TTC6: variants seen among roughly 807,000 people sequenced by gnomAD.
TTC6 encodes the protein tetratricopeptide repeat domain 6, also known as tetratricopeptide repeat protein 6.
In TTC6, 172 loss-of-function variants were observed where a neutral mutation model predicts 210.4. The ratio of observed to expected loss-of-function variants is 0.82; its 90% CI spans 0.72 to 0.93. The LOEUF (loss-of-function observed/expected upper bound fraction) is 0.93. Ranked by LOEUF, TTC6 falls within the 40% of genes least tolerant of loss-of-function variation. The probability of loss-of-function intolerance (pLI) is 0.00; values close to 1 mark genes in which losing one functional copy is unlikely to be tolerated. For missense variants in TTC6, 2,414 were observed against 2,318.1 expected (o/e 1.04, Z -0.85); for synonymous variants, 804 against 819.6 (o/e 0.98, Z 0.32).
At chr14:37,705,418 A>G (rs1239851908) in intron 5 of TTC6, among the ~76,000 whole-genome samples, 1 of 152,136 alleles carries the variant, frequency 6.6e-6, no homozygotes, top group Non-Finnish European at 1.5e-5. Flanking sequence ...CAATTACTCA[A>G]AATCTTGCCA....
chr14:37,684,047 A>G (rs2138570531), intron 3 of TTC6, among the ~76,000 whole-genome samples: 1 of 152,144 alleles, frequency 6.6e-6, no homozygotes, highest in Non-Finnish European at 1.5e-5. Context: ...TCAACTGGCC[A>G]TTCCTCATTC....
At chr14:37,814,759 A>T (rs2139449256) in intron 25 of TTC6, among the ~76,000 whole-genome samples, 1 of 152,324 alleles carries the variant, frequency 6.6e-6, no homozygotes, top group South Asian at 2.1e-4. Flanking sequence ...TTAAAAAATT[A>T]AAACAACTAA....
intron 20 of TTC6, among the ~76,000 whole-genome samples, chr14:37,797,708 C>G (rs1329389998): frequency 1.3e-5 from 2 of 151,718 alleles, no homozygotes; most frequent in Non-Finnish European, 2.9e-5. Flanking sequence ...TTAAAAAATA[C>G]CTTGTTTAAA....
intron 25 of TTC6, among the ~76,000 whole-genome samples, chr14:37,813,365 C>T (rs1484619090): frequency 1.3e-5 from 2 of 152,106 alleles, no homozygotes; most frequent in East Asian, 1.9e-4. Context: ...AAAGAACCTC[C>T]CTGTTTGTAG....
chr14:37,724,408 C>T (rs1015991164), intron 6 of TTC6, among the ~76,000 whole-genome samples: 2 of 152,154 alleles, frequency 1.3e-5, no homozygotes, highest in African/African-American at 4.8e-5. Context: ...CAATACCATG[C>T]TTCTAAGATC....
At chr14:37,773,459 T>C (rs1194217333) in intron 14 of TTC6, among the ~76,000 whole-genome samples, 6 of 152,138 alleles carry the variant, frequency 3.9e-5, no homozygotes, top group African/African-American at 1.4e-4. Context: ...GGTAGGGGTT[T>C]CAATCTTCTG....
intron 3 of TTC6, among the ~76,000 whole-genome samples, chr14:37,695,836 C>T (rs2095813818): frequency 6.6e-6 from 1 of 151,790 alleles, no homozygotes; most frequent in African/African-American, 2.4e-5. Flanking sequence ...CTTCTATGTA[C>T]CCACAAAAAT....
At chr14:37,812,291 A>G (rs769712694) in intron 24 of TTC6, 23 bp from the exon 27 acceptor site, 35 of 1,605,480 alleles carry the variant, frequency 2.2e-5, no homozygotes, top group African/African-American at 2.7e-5. Context: ...AGTTGAATCT[A>G]TGTTACAAAT....
chr14:37,680,792 A>G (rs1342962567), intron 2 of TTC6, among the ~76,000 whole-genome samples: 1 of 152,160 alleles, frequency 6.6e-6, no homozygotes, highest in Admixed American at 6.5e-5. Flanking sequence ...AGAAACTCAC[A>G]TTTACATAGA....
At chr14:37,824,797 G>C (rs2096166714) in intron 27 of TTC6, among the ~76,000 whole-genome samples, 1 of 152,118 alleles carries the variant, frequency 6.6e-6, no homozygotes, top group African/African-American at 2.4e-5. Flanking sequence ...CTAGGATACA[G>C]TGTTCCGTAA....
chr14:37,772,771 T>G (rs1327577571), intron 14 of TTC6, among the ~76,000 whole-genome samples: 1 of 152,192 alleles, frequency 6.6e-6, no homozygotes, highest in African/African-American at 2.4e-5. Flanking sequence ...TCTTCTGCGT[T>G]GCTCACGCTG....
chr14:37,797,948 A>C (rs1245311340), intron 20 of TTC6, among the ~76,000 whole-genome samples: 1 of 152,044 alleles, frequency 6.6e-6, no homozygotes, highest in Non-Finnish European at 1.5e-5. Flanking sequence ...ATCTTATTAC[A>C]AGTTTTCACA....
chr14:37,839,144 T>A (rs2096204505), intron 29 of TTC6, among the ~76,000 whole-genome samples: 1 of 152,312 alleles, frequency 6.6e-6, no homozygotes, highest in African/African-American at 2.4e-5. Context: ...TGATTTATAA[T>A]CCTTTGGGTA....
chr14:37,775,152 C>G (rs192646549), intron 14 of TTC6, among the ~76,000 whole-genome samples: 6 of 152,188 alleles, frequency 3.9e-5, no homozygotes, highest in African/African-American at 7.2e-5. Context: ...AGTGGTCTAT[C>G]TATCTTATTA....
At chr14:37,787,670 C>G in intron 15 of TTC6, 33 bp downstream of exon 17, 1 of 1,391,828 alleles carries the variant, frequency 7.2e-7, no homozygotes, top group Non-Finnish European at 9.4e-7. Flanking sequence ...TATATAGCAA[C>G]CCAATCTGAG....
At chr14:37,703,377 A>G (rs2095829240) in intron 5 of TTC6, among the ~76,000 whole-genome samples, 1 of 152,128 alleles carries the variant, frequency 6.6e-6, no homozygotes, top group Non-Finnish European at 1.5e-5. Flanking sequence ...AGTTAATTTA[A>G]GTACTGAATA....
At chr14:37,622,726 G>A (rs1262482062) in exon 1 of TTC6, 3 of 1,534,926 alleles carry the variant, frequency 2.0e-6, no homozygotes, top group Admixed American at 2.0e-5. Flanking sequence ...AGCAGCGGGC[G>A]GAGGAAAGTG....
chr14:37,796,911 A>G lies in TTC6; in HGVS notation c.3993A>G (p.Leu1331=), dbSNP rs781668940. The change falls in exon 20 of 31, where the codon CTA becomes CTG. Residue 1331 remains leucine (L), a synonymous_variant. Coordinates refer to ENST00000553443, the Ensembl canonical transcript of TTC6. ...GAGCTGAGATGACCATGTGTGCTCT[A>G]TTAGCAAAAGTTCAAATGAAGGCCA... 3.7e-6 allele frequency: 6 copies of G among 1,604,700 alleles called. No individual in the cohort carries two copies. In the Admixed American group the frequency reaches 5.1e-5, roughly 14 times the overall value.
chr14:37,750,033 G>A (rs1042858507), intron 12 of TTC6, among the ~76,000 whole-genome samples, 190 bp downstream of exon 14: 1 of 152,030 alleles, frequency 6.6e-6, no homozygotes, highest in African/African-American at 2.4e-5. Context: ...AAAATACCAT[G>A]GTTTGAAAGG....
Sources: allele counts gnomAD v4.1 joint callset (sites outside exome capture counted in the v4.1 genomes callset), GRCh38; gene constraint gnomAD v4.1.1; transcripts MANE v1.5; gene names NCBI Gene and HGNC (gene_info 2026-07-23, HGNC 2026-07-21).